The following WWC2 variants were observed in gnomAD, a reference collection of about 807,000 sequenced individuals.
The protein encoded by WWC2 is WW and C2 domain containing 2.
In WWC2, 101 loss-of-function variants were observed where a neutral mutation model predicts 138.5. That is an observed-to-expected ratio of 0.73 (90% CI 0.62 to 0.86). The LOEUF (loss-of-function observed/expected upper bound fraction) is 0.86. Ranked by LOEUF, WWC2 falls within the 40% of genes least tolerant of loss-of-function variation. The pLI, the probability that WWC2 is intolerant of heterozygous loss-of-function variation, is 0.00. For missense variants in WWC2, 1,420 were observed against 1,419.4 expected (o/e 1.00, Z -0.01); for synonymous variants, 558 against 538.4 (o/e 1.04, Z -0.50).
chr4:183,189,013 T>C (rs1050705875), intron 1 of WWC2, among the ~76,000 whole-genome samples: 3 of 152,200 alleles, frequency 2.0e-5, no homozygotes, highest in Non-Finnish European at 4.4e-5. Context: ...ATCTCATTAT[T>C]ATCTTCCAAA....
rs1737702418 is a variant in WWC2, at chr4:183,271,792, T to G, written c.2562+551T>G. Among the ~76,000 whole-genome samples the G allele has an allele frequency of 2.0e-5, 3 of 152,136 alleles. No homozygotes were observed. In the South Asian group the frequency reaches 6.2e-4, roughly 32 times the overall value. On this transcript the variant is annotated intron_variant, in intron 16 of 22. Transcript: ENST00000403733. ...GCTGAGGCAGGCGAATTGCTTTTGC[T>G]CAGGAGTTCAAGACCAGCATGGGCA... is the stretch of plus-strand genomic sequence containing the variant.
At position 183,170,461 on chromosome 4, in the gene WWC2, G is replaced by A. The variant is rs1365114498; in HGVS notation, c.132-23138G>A. ...TAGGATGCCTGTGGGGTACGTGGAC[G>A]GTGGGTGGGGTAAAGAGGAAAGCAC... On this transcript the variant is annotated intron_variant, in intron 1 of 22. Transcript: ENST00000403733. Among the ~76,000 whole-genome samples, 8 of 152,288 alleles carry A rather than the reference G, an allele frequency of 5.3e-5. No homozygotes were observed. In the East Asian group the frequency reaches 1.4e-3, roughly 26 times the overall value.
rs1418311821 is a variant in WWC2 at position 183,318,753 on chromosome 4, T to C, written c.*3024T>C. The C allele has an allele frequency of 6.6e-6, 1 of 152,214 alleles. No homozygotes were observed. Among genetic ancestry groups the C allele is most frequent in the African/African-American group, 2.4e-5 (1 of 41,448 alleles). The allele number at this position is 152,214 out of a possible 1,614,324, so 9.4% of individuals were successfully genotyped here. A position where few individuals can be genotyped will look rare whatever the true frequency, so the allele number is the denominator to read the frequency against. Reference sequence around the variant, plus strand: ...AAATAAAATGAAGGGCTCCAGAATATGTGCTCTGTGGTCGCTGCGCCTGGG... The same window carrying C: ...AAATAAAATGAAGGGCTCCAGAATACGTGCTCTGTGGTCGCTGCGCCTGGG... On this transcript the variant is annotated 3_prime_UTR_variant, in exon 23 of 23. Coordinates refer to ENST00000403733, the MANE Select transcript of WWC2 (RefSeq NM_024949.6).
intron 1 of WWC2, among the ~76,000 whole-genome samples, chr4:183,130,865 C>T (rs1328442295): frequency 6.6e-6 from 1 of 152,172 alleles, no homozygotes; most frequent in Non-Finnish European, 1.5e-5. Flanking sequence ...AAAAAAGACT[C>T]AAAATGTACT....
At chr4:183,238,964 A>C (rs1346155463) in intron 4 of WWC2, among the ~76,000 whole-genome samples, 2 of 152,242 alleles carry the variant, frequency 1.3e-5, no homozygotes, top group Non-Finnish European at 2.9e-5. Flanking sequence ...GAGTAAAATA[A>C]ATCAACATAA....
At chr4:183,115,198 A>G (rs1286846357) in intron 1 of WWC2, among the ~76,000 whole-genome samples, 1 of 152,188 alleles carries the variant, frequency 6.6e-6, no homozygotes, top group Admixed American at 6.5e-5. Flanking sequence ...TGCAGAGATC[A>G]TGATTTCATT....
chr4:183,220,678 C>CA (rs1475780463), intron 4 of WWC2, among the ~76,000 whole-genome samples: 1 of 151,608 alleles, frequency 6.6e-6, no homozygotes, highest in South Asian at 2.1e-4. Context: ...ACTAAAAATA[C>CA]AAAAAAGTAG....
chr4:183,137,329 T>C (rs1261440402), intron 1 of WWC2, among the ~76,000 whole-genome samples: 3 of 152,196 alleles, frequency 2.0e-5, no homozygotes, highest in Admixed American at 6.5e-5. Context: ...TTCAAAAATA[T>C]CTTTTCTTTG....
chr4:183,254,515 A>G (rs997287749), intron 9 of WWC2, among the ~76,000 whole-genome samples: 1 of 152,196 alleles, frequency 6.6e-6, no homozygotes, highest in African/African-American at 2.4e-5. Flanking sequence ...AAAGGAAAAT[A>G]CTCTAGGCAA....
chr4:183,164,317 ATACAT>A (rs1734055741), intron 1 of WWC2, among the ~76,000 whole-genome samples: 2 of 218 alleles, frequency 9.2e-3, no homozygotes, highest in African/African-American at 0.014. Context: ...TATATTATAT[ATACAT>A]ATATATATAT....
intron 3 of WWC2, 57 bp from the exon 4 acceptor site, chr4:183,208,892 C>G: frequency 1.6e-6 from 2 of 1,214,296 alleles, no homozygotes; most frequent in Admixed American, 4.4e-5. Flanking sequence ...AAATTCTAAG[C>G]TGAGAACTAG....
At chr4:183,214,184 C>T (rs34241587) in intron 4 of WWC2, among the ~76,000 whole-genome samples, 2,539 of 152,150 alleles carry the variant, frequency 0.017, 75 homozygotes, top group African/African-American at 0.058. Flanking sequence ...CTATTTGCAC[C>T]GCATTCCAAA....
At chr4:183,203,508 T>G (rs932349117) in intron 2 of WWC2, 1 of 152,180 alleles carries the variant, frequency 6.6e-6, no homozygotes, top group Non-Finnish European at 1.5e-5. Flanking sequence ...TCCACTCCTT[T>G]CATTTCCAGT....
At chr4:183,252,356 T>C (rs1052704036) in intron 8 of WWC2, among the ~76,000 whole-genome samples, 3 of 152,246 alleles carry the variant, frequency 2.0e-5, no homozygotes, top group African/African-American at 4.8e-5. Flanking sequence ...CTTGTCGTTA[T>C]GGTCGAAAGA....
At chr4:183,247,646 T>C (rs1257830245) in intron 6 of WWC2, among the ~76,000 whole-genome samples, 1 of 139,246 alleles carries the variant, frequency 7.2e-6, no homozygotes, top group Non-Finnish European at 1.5e-5. Context: ...ATACTATATA[T>C]ACTATATACT....
intron 4 of WWC2, among the ~76,000 whole-genome samples, chr4:183,216,415 C>T (rs542553555): frequency 6.6e-6 from 1 of 152,112 alleles, no homozygotes; most frequent in African/African-American, 2.4e-5. Flanking sequence ...ATAGGCTCAA[C>T]AAGAAGACAT....
At chr4:183,102,201 C>G (rs1016315977) in intron 1 of WWC2, among the ~76,000 whole-genome samples, 5 of 152,268 alleles carry the variant, frequency 3.3e-5, no homozygotes, top group South Asian at 4.1e-4. Context: ...TCCCTCTAAA[C>G]CTCCATTTTT....
chr4:183,185,129 T>G (rs952951577), intron 1 of WWC2, among the ~76,000 whole-genome samples: 1 of 151,922 alleles, frequency 6.6e-6, no homozygotes, highest in African/African-American at 2.4e-5. Context: ...CTCAGGTCCT[T>G]CCCAAATCTA....
At chr4:183,314,118 A>C (rs1739357204) in intron 22 of WWC2, among the ~76,000 whole-genome samples, 1 of 152,046 alleles carries the variant, frequency 6.6e-6, no homozygotes, top group South Asian at 2.1e-4. Context: ...TGGCAGCAGC[A>C]GTGTGCCTTA....
Sources: allele counts gnomAD v4.1 joint callset (sites outside exome capture counted in the v4.1 genomes callset), GRCh38; gene constraint gnomAD v4.1.1; transcripts MANE v1.5; gene names NCBI Gene and HGNC (gene_info 2026-07-23, HGNC 2026-07-21).